The following BDP1 variants were observed in gnomAD, a reference collection of about 807,000 sequenced individuals.
BDP1 encodes the protein BDP1 general transcription factor IIIB subunit.
A neutral mutation model predicts 266.6 loss-of-function variants in BDP1; 169 were observed. That is an observed-to-expected ratio of 0.63 (90% CI 0.56 to 0.72). The LOEUF is 0.72. BDP1 is among the 30% of genes least tolerant of loss of function. The pLI is 0.00. For missense variants in BDP1, 3,015 were observed against 3,053.8 expected (o/e 0.99, Z 0.30); for synonymous variants, 1,090 against 1,022.4 (o/e 1.07, Z -1.26).
intron 26 of BDP1, among the ~76,000 whole-genome samples, chr5:71,535,646 A>C (rs1377608193): frequency 2.0e-5 from 3 of 152,218 alleles, no homozygotes; most frequent in Non-Finnish European, 4.4e-5. Flanking sequence ...AGAGTCTAGA[A>C]GTCTAAAATC....
In BDP1 at chr5:71,532,326, G is replaced by A. The variant is rs374390269; in HGVS notation, c.5791G>A (p.Val1931Ile). The change falls in exon 26 of 39, where the codon GTC becomes ATC. Residue 1931 changes from valine (V) to isoleucine (I), a missense_variant. By Grantham distance (29) the Val-to-Ile change is conservative. Coordinates refer to ENST00000358731, the MANE Select transcript of BDP1 (RefSeq NM_018429.3). ...TMEELEITVN[V>I]PDVGCIAVVE... Reference sequence around the variant, plus strand: ...TTGACAGCTTGAAATAACTGTGAATGTCCCAGATGTAGGATGCATAGCTGT... The same window carrying A: ...TTGACAGCTTGAAATAACTGTGAATATCCCAGATGTAGGATGCATAGCTGT... 9.3e-6 allele frequency: 15 copies of A among 1,613,260 alleles called. No individual in the cohort carries two copies. Among genetic ancestry groups the A allele is most frequent in the African/African-American group, 1.3e-5 (1 of 74,902 alleles).
At chr5:71,512,149 A>G (rs1388597064) in intron 17 of BDP1, 92 bp from the exon 18 acceptor site, 3 of 595,576 alleles carry the variant, frequency 5.0e-6, no homozygotes, top group Non-Finnish European at 5.3e-6. Flanking sequence ...TTTAAAGGAA[A>G]GTGTTTAGAA....
chr5:71,503,084 T>C (rs2150446348), intron 15 of BDP1, among the ~76,000 whole-genome samples: 1 of 151,546 alleles, frequency 6.6e-6, no homozygotes. Context: ...AAAAAAAAAT[T>C]CACATGATCT....
chr5:71,490,897 A>G, intron 10 of BDP1, 87 bp from the exon 11 acceptor site: 2 of 1,142,172 alleles, frequency 1.8e-6, no homozygotes, highest in South Asian at 2.1e-5. Context: ...TTTGTAGGAA[A>G]AGAGTGTTAT....
In BDP1 at chr5:71,458,295, G is replaced by T. The variant is rs372710765; in HGVS notation, c.213-284G>T. ...TGACTAAGCTTTGTTCTGTAAGTTG[G>T]TTATTTGTTTTGAGGGGGGTAAGCC... On this transcript the variant is annotated intron_variant, in intron 1 of 38. Coordinates refer to ENST00000358731, the MANE Select transcript of BDP1 (RefSeq NM_018429.3). Among the ~76,000 whole-genome samples, 11 of 151,938 alleles carry T rather than the reference G, an allele frequency of 7.2e-5. No homozygotes were observed. In the East Asian group the frequency reaches 1.5e-3, roughly 21 times the overall value.
Position 71,562,286 on chromosome 5 carries a change from A to G in BDP1, c.7509A>G (p.Arg2503=). Residue 2503 remains arginine (R), a synonymous_variant, in exon 38 of 39, where the codon AGA becomes AGG. Transcript: ENST00000358731. ...TTTGTATTTCTAGACCTGGCAGAAG[A>G]CCCCTGGGATTTTTATCTTTAATAT... The part of the protein sequence containing the change: ...SKASLSRPGR[R]PLGFLSLICS... The G allele has an allele frequency of 1.3e-6, 2 of 1,597,594 alleles. No individual in the cohort carries two copies. The highest frequency in any genetic ancestry group is 8.5e-7 in the Non-Finnish European group (1 of 1,173,978).
Position 71,522,790 on chromosome 5 carries a change from C to T in BDP1, c.5228C>T (p.Ser1743Leu). The change falls in exon 24 of 39, where the codon TCA becomes TTA. Residue 1743 changes from serine (S) to leucine (L), a missense_variant. Around this residue, in one of 3 missense-constraint regions of BDP1, gnomAD observed 2,383 missense variants for 2,404.9 expected, o/e 0.99. Transcript: ENST00000358731. The stretch of plus-strand genomic sequence containing the variant: ...GAGCTTCTGACATCTCTGGAGGTTT[C>T]AGCAAGAAAAGATTGTGTAGGTTCC... Reference protein sequence around the residue: ...KAELLTSLEVSARKDCVGSKE... With the variant: ...KAELLTSLEVLARKDCVGSKE... 1.9e-6 allele frequency: 3 copies of T among 1,606,604 alleles called. No homozygotes were observed. Among genetic ancestry groups the T allele is most frequent in the Admixed American group, 1.7e-5 (1 of 58,130 alleles).
intron 32 of BDP1, 137 bp downstream of exon 32, chr5:71,545,356 C>T (rs1742210107): frequency 5.8e-6 from 5 of 862,316 alleles, no homozygotes; most frequent in Admixed American, 5.7e-5. Context: ...TTTTTGGAGA[C>T]AGTCTTGTTC....
At chr5:71,544,266 G>T in intron 30 of BDP1, 91 bp from the exon 31 acceptor site, 1 of 1,222,944 alleles carries the variant, frequency 8.2e-7, no homozygotes, top group Non-Finnish European at 1.1e-6. Context: ...CACTATATAG[G>T]AATCTTCCTT....
rs759578204 is a variant in BDP1, at chr5:71,548,650, C to G, written c.6745-32C>G. ...CTTTTTAAATGTAAGATTTGGCCAA[C>G]CTGACTCTTTCATTTTAATTTTTTA... On this transcript the variant is annotated intron_variant, in intron 32 of 38. Transcript: ENST00000358731. 1.9e-5 allele frequency: 28 copies of G among 1,460,394 alleles called. No individual in the cohort carries two copies. In the East Asian group the frequency reaches 5.9e-4, roughly 31 times the overall value. 90.5% of individuals were successfully genotyped at this position (1,460,394 alleles called of 1,614,324 possible).
chr5:71,484,897 A>T (rs1763168859), intron 8 of BDP1, among the ~76,000 whole-genome samples: 1 of 152,082 alleles, frequency 6.6e-6, no homozygotes, highest in South Asian at 2.1e-4. Flanking sequence ...TATTTATTTT[A>T]TGAGTAGACA....
rs1238693842 is a variant in BDP1, at chr5:71,549,463, A to G, written c.6852A>G (p.Gln2284=). 1 of 1,614,142 alleles carries G rather than the reference A, an allele frequency of 6.2e-7. No homozygotes were observed. The highest frequency in any genetic ancestry group is 8.5e-7 in the Non-Finnish European group (1 of 1,179,996). ...ANVPQDGEDE[Q]AFILTLVEIP... The stretch of plus-strand genomic sequence containing the variant: ...TACCTCAAGATGGAGAAGATGAACA[A>G]GCCTTTATTTTAACTCTGGTGGAAA... Residue 2284 remains glutamine, a synonymous_variant, in exon 34 of 39, where the codon CAA becomes CAG. Transcript: ENST00000358731.
At chr5:71,563,419 G>A (rs1743816720) in intron 38 of BDP1, among the ~76,000 whole-genome samples, 2 of 152,212 alleles carry the variant, frequency 1.3e-5, no homozygotes, top group African/African-American at 2.4e-5. Context: ...TTACAGGCAT[G>A]AGCCACTGTG....
intron 13 of BDP1, among the ~76,000 whole-genome samples, chr5:71,498,725 CTTTTTTT>C (rs901220175): frequency 9.0e-5 from 11 of 122,290 alleles, no homozygotes; most frequent in African/African-American, 3.3e-4. Flanking sequence ...CGCCTGCCGT[CTTTTTTT>C]TTTTTTTTTG....
At chr5:71,513,509 C>T (rs1765054209) in intron 19 of BDP1, 102 bp downstream of exon 19, 2 of 743,012 alleles carry the variant, frequency 2.7e-6, no homozygotes, top group Non-Finnish European at 4.4e-6. Context: ...ACAAATATTT[C>T]TGTGTAATTT....
At chr5:71,513,050 A>G (rs1418278894) in intron 18 of BDP1, 135 bp from the exon 19 acceptor site, 1 of 619,614 alleles carries the variant, frequency 1.6e-6, no homozygotes, top group Non-Finnish European at 2.7e-6. Context: ...GGGATAGAAC[A>G]AGACCCTGTC....
chr5:71,532,055 A>C (rs1460046787), intron 25 of BDP1, among the ~76,000 whole-genome samples: 1 of 152,214 alleles, frequency 6.6e-6, no homozygotes. Flanking sequence ...CCAGGCACTA[A>C]GAAGATGAGT....
Position 71,513,329 on chromosome 5 carries a change from G to A in BDP1, c.4392G>A (p.Lys1464=), listed in dbSNP as rs908980816. ...TTESEKYIYE[K]KSETKKMETI... Reference sequence around the variant, plus strand: ...AATCAGAAAAATATATATATGAGAAGAAATCAGAAACCAAGAAAATGGAGA... The same window carrying A: ...AATCAGAAAAATATATATATGAGAAAAAATCAGAAACCAAGAAAATGGAGA... The change falls in exon 19 of 39, where the codon AAG becomes AAA. Residue 1464 remains lysine (K), a synonymous_variant. Transcript: ENST00000358731. The A allele has an allele frequency of 4.4e-6, 7 of 1,603,544 alleles. No homozygotes were observed. Among genetic ancestry groups the A allele is most frequent in the Non-Finnish European group, 6.0e-6 (7 of 1,174,872 alleles).
intron 25 of BDP1, among the ~76,000 whole-genome samples, chr5:71,524,572 G>A (rs1159389418): frequency 6.6e-6 from 1 of 151,516 alleles, no homozygotes; most frequent in Non-Finnish European, 1.5e-5. Context: ...GTACCTGGAA[G>A]CTGTTTAGTC....
Sources: gnomAD v4.1 joint callset for allele counts (sites outside exome capture counted in the v4.1 genomes callset) on GRCh38, gnomAD v4.1.1 for gene constraint, gnomAD v4.1.1 regional missense constraint, MANE v1.5 for transcripts, NCBI Gene and HGNC (gene_info 2026-07-23, HGNC 2026-07-21) for gene names.